The following ME3 variants were observed in gnomAD, a reference collection of about 807,000 sequenced individuals.
ME3 encodes NADP-dependent malic enzyme, mitochondrial.
In ME3, 48 loss-of-function variants were observed where a neutral mutation model predicts 68.9. The observed-to-expected ratio is 0.70, with a 90% CI of 0.55 to 0.89. The LOEUF is 0.89. Ranked by LOEUF, ME3 falls within the 40% of genes least tolerant of loss-of-function variation. ME3 has a pLI of 0.00. For missense variants in ME3, 675 were observed against 797.4 expected (o/e 0.85, Z 1.85); for synonymous variants, 320 against 318.8 (o/e 1.00, Z -0.04).
chr11:86,478,483 A>G (rs1169860020), intron 7 of ME3, among the ~76,000 whole-genome samples: 1 of 152,182 alleles, frequency 6.6e-6, no homozygotes, highest in Non-Finnish European at 1.5e-5. Context: ...TGGTCAGAGT[A>G]GATTTCCCTA....
rs1173252366 is a variant in ME3, at chr11:86,487,457, C to G, written c.706-17G>C. On this transcript the variant is annotated splice_polypyrimidine_tract_variant and intron_variant, in intron 6 of 14. Transcript: ENST00000543262. ...GAGCAGCTCCTGGAACAGACAGCAC[C>G]CATTGACTGAGCCTACTCCCGGTGT... is the stretch of plus-strand genomic sequence containing the variant. 1.2e-6 allele frequency: 2 copies of G among 1,604,238 alleles called. No homozygotes were observed. Among genetic ancestry groups the G allele is most frequent in the South Asian group, 2.2e-5 (2 of 90,478 alleles).
chr11:86,455,856 A>G (rs1301514443), intron 8 of ME3, among the ~76,000 whole-genome samples: 1 of 151,354 alleles, frequency 6.6e-6, no homozygotes, highest in African/African-American at 2.4e-5. Context: ...CTGACATCCA[A>G]GGAAGTATCA....
chr11:86,479,590 A>G (rs1033811882), intron 7 of ME3, among the ~76,000 whole-genome samples: 2 of 152,022 alleles, frequency 1.3e-5, no homozygotes, highest in African/African-American at 2.4e-5. Flanking sequence ...TACCTTCTAT[A>G]TGGAACATCA....
At chr11:86,453,212 C>T (rs1433767356) in intron 8 of ME3, among the ~76,000 whole-genome samples, 1 of 152,126 alleles carries the variant, frequency 6.6e-6, no homozygotes, top group Non-Finnish European at 1.5e-5. Flanking sequence ...GTTGGCCAGG[C>T]TGGTCTCGAA....
chr11:86,508,292 A>T (rs1249294825), intron 5 of ME3, among the ~76,000 whole-genome samples: 1 of 152,118 alleles, frequency 6.6e-6, no homozygotes, highest in Non-Finnish European at 1.5e-5. Context: ...GCCCAGCTCC[A>T]CTGTCACTTC....
chr11:86,560,748 G>GTGTATATATATATATATATATATA (rs1243025217), intron 2 of ME3, among the ~76,000 whole-genome samples: 87 of 62,470 alleles, frequency 1.4e-3, no homozygotes, highest in African/African-American at 3.9e-3. Flanking sequence ...GTGTGTGTGT[G>GTGTATATATATATATATATATATA]TATATATATA....
chr11:86,562,503 C>T (rs1217132261), intron 2 of ME3, among the ~76,000 whole-genome samples: 4 of 152,130 alleles, frequency 2.6e-5, no homozygotes, highest in African/African-American at 9.7e-5. Flanking sequence ...TGCATCCCTG[C>T]TAGAAGTGAA....
intron 2 of ME3, among the ~76,000 whole-genome samples, chr11:86,600,540 G>C (rs11537258): frequency 0.11 from 14,389 of 133,796 alleles, 1,059 homozygotes; most frequent in East Asian, 0.21. Flanking sequence ...TTAGACAGAT[G>C]AACGAGACAG....
chr11:86,443,016 A>G (rs1302753898), intron 13 of ME3, 97 bp from the exon 14 acceptor site: 1 of 911,376 alleles, frequency 1.1e-6, no homozygotes, highest in Non-Finnish European at 1.7e-6. Context: ...CACCCTGCAT[A>G]GTTGGTCAAA....
At chr11:86,463,152 C>G (rs1950310300) in intron 8 of ME3, among the ~76,000 whole-genome samples, 1 of 152,178 alleles carries the variant, frequency 6.6e-6, no homozygotes, top group East Asian at 1.9e-4. Flanking sequence ...GCTGCAGGGC[C>G]TGGCCGTGTT....
intron 2 of ME3, among the ~76,000 whole-genome samples, chr11:86,619,575 C>T (rs917273879): frequency 3.3e-5 from 5 of 152,190 alleles, no homozygotes; most frequent in African/African-American, 1.2e-4. Context: ...GAATAAGTCT[C>T]ATGAGATCTG....
At chr11:86,652,549 G>T (rs1237866036) in intron 2 of ME3, among the ~76,000 whole-genome samples, 1 of 152,106 alleles carries the variant, frequency 6.6e-6, no homozygotes, top group African/African-American at 2.4e-5. Context: ...AATGCTGAGA[G>T]ATTTTGTCAC....
intron 2 of ME3, among the ~76,000 whole-genome samples, chr11:86,623,291 C>T (rs1286463674): frequency 2.0e-5 from 3 of 152,142 alleles, no homozygotes; most frequent in Admixed American, 1.3e-4. Flanking sequence ...TATCAGAGCT[C>T]CTGGTTCTTG....
intron 2 of ME3, among the ~76,000 whole-genome samples, chr11:86,636,967 A>C (rs1443267661): frequency 6.6e-6 from 1 of 152,216 alleles, no homozygotes; most frequent in Non-Finnish European, 1.5e-5. Flanking sequence ...AATTACAGAG[A>C]AAGTGAGAAG....
chr11:86,455,809 G>A (rs562206314), intron 8 of ME3, among the ~76,000 whole-genome samples: 1 of 152,256 alleles, frequency 6.6e-6, no homozygotes, highest in East Asian at 1.9e-4. Context: ...ATCATGGTCA[G>A]GCTCAGCACT....
intron 4 of ME3, among the ~76,000 whole-genome samples, chr11:86,544,121 C>T (rs1956220218): frequency 6.6e-6 from 1 of 152,130 alleles, no homozygotes; most frequent in Non-Finnish European, 1.5e-5. Flanking sequence ...AACAAAGACA[C>T]AACGTACCAG....
At chr11:86,548,040 G>C (rs1402497409) in intron 4 of ME3, among the ~76,000 whole-genome samples, 1 of 152,214 alleles carries the variant, frequency 6.6e-6, no homozygotes, top group Admixed American at 6.5e-5. Context: ...GTCTGCATTT[G>C]TGGGGGCTGC....
intron 4 of ME3, among the ~76,000 whole-genome samples, chr11:86,542,728 C>G (rs1956122504): frequency 6.6e-6 from 1 of 152,184 alleles, no homozygotes; most frequent in African/African-American, 2.4e-5. Context: ...GGAAAACACT[C>G]TGCAGGATGT....
intron 2 of ME3, among the ~76,000 whole-genome samples, chr11:86,640,767 A>T (rs1297555560): frequency 3.3e-5 from 5 of 152,160 alleles, no homozygotes; most frequent in African/African-American, 4.8e-5. Context: ...TACAGTATCC[A>T]ACTCCTGGCC....
Sources: allele counts gnomAD v4.1 joint callset (sites outside exome capture counted in the v4.1 genomes callset), GRCh38; gene constraint gnomAD v4.1.1; transcripts MANE v1.5; gene names NCBI Gene and HGNC (gene_info 2026-07-23, HGNC 2026-07-21).